Variants in ZZEF1 observed in about 807,000 individuals in gnomAD.
ZZEF1 encodes zinc finger ZZ-type and EF-hand domain containing 1, also known as zinc finger ZZ-type and EF-hand domain-containing protein 1.
In ZZEF1, 157 loss-of-function variants were observed where a neutral mutation model predicts 342.8. The observed-to-expected ratio is 0.46, with a 90% CI of 0.40 to 0.52. The LOEUF is 0.52. Among genes scored for constraint, ZZEF1 ranks in the 20% least tolerant of loss-of-function variants. The pLI is 0.00. For missense variants in ZZEF1, 3,480 were observed against 3,725.6 expected, an observed-to-expected ratio of 0.93 and a Z score of 1.72; for synonymous variants, 1,505 against 1,429.1, an observed-to-expected ratio of 1.05 and a Z score of -1.20.
At chr17:4,128,130 G>A (rs1161091614) in intron 1 of ZZEF1, among the ~76,000 whole-genome samples, 1 of 152,098 alleles carries the variant, frequency 6.6e-6, no homozygotes, top group African/African-American at 2.4e-5. Context: ...CAGATCACTT[G>A]AGGCCAGGAA....
chr17:4,082,030 C>T (rs2057733146), intron 17 of ZZEF1, among the ~76,000 whole-genome samples: 1 of 152,204 alleles, frequency 6.6e-6, no homozygotes, highest in Non-Finnish European at 1.5e-5. Flanking sequence ...TTTAGCTTCT[C>T]TGGTAGTTGA....
chr17:4,098,002 CT>C (rs1311087703), intron 9 of ZZEF1, among the ~76,000 whole-genome samples: 1 of 149,594 alleles, frequency 6.7e-6, no homozygotes, highest in Non-Finnish European at 1.5e-5. Context: ...CTTTGGGAGG[CT>C]GAGGCAGGCA....
In ZZEF1 at chr17:4,135,681, CCTT is replaced by C. The variant is rs1403822548; in HGVS notation, c.354+6858_354+6860del. 2.0e-5 allele frequency among the ~76,000 whole-genome samples: 3 copies of C among 152,168 alleles called. No homozygotes were observed. The East Asian group carries it at 5.8e-4, about 29-fold the overall frequency. Reference sequence around the variant, plus strand: ...TGGGGCCATTCAGAACACATCTACTCCTTCTGCCCAGAGACAACCTGCAGATCA... The same window carrying C: ...TGGGGCCATTCAGAACACATCTACTCCTGCCCAGAGACAACCTGCAGATCA... On this transcript the variant is annotated intron_variant, in intron 1 of 54. Transcript: ENST00000381638.
intron 39 of ZZEF1, among the ~76,000 whole-genome samples, chr17:4,034,790 A>C (rs2056624990): frequency 6.6e-6 from 1 of 152,214 alleles, no homozygotes; most frequent in Non-Finnish European, 1.5e-5. Flanking sequence ...CAAGCCCAGG[A>C]GTTCAAGACC....
At chr17:4,139,537 C>G (rs151295029) in intron 1 of ZZEF1, among the ~76,000 whole-genome samples, 20 of 152,298 alleles carry the variant, frequency 1.3e-4, no homozygotes, top group African/African-American at 4.8e-4. Context: ...ATTAACAACG[C>G]AGAATTAACT....
rs764613464 is a variant in ZZEF1, at chr17:4,072,618, T to A, written c.3824A>T (p.Asn1275Ile). ...CGGAAGAGTAAATACCTCCTTACTATTCCGGTGTGGGTGAGTGGGCCAGCT... is the reference window on the plus strand; with the variant it reads ...CGGAAGAGTAAATACCTCCTTACTAATCCGGTGTGGGTGAGTGGGCCAGCT... ...EASWPTHPHR[N>I]SKEVKNIPDD... The change falls in exon 25 of 55, where the codon AAT becomes ATT. Residue 1275 changes from asparagine to isoleucine, a missense_variant. Asn to Ile is a moderately radical substitution (Grantham distance 149). Transcript: ENST00000381638. The A allele has an allele frequency of 6.2e-7, 1 of 1,611,818 alleles. No individual in the cohort carries two copies. The highest frequency in any genetic ancestry group is 1.7e-5 in the Admixed American group (1 of 59,546).
At chr17:4,122,840 G>A (rs1390622408) in intron 2 of ZZEF1, among the ~76,000 whole-genome samples, 1 of 152,014 alleles carries the variant, frequency 6.6e-6, no homozygotes, top group East Asian at 1.9e-4. Flanking sequence ...AAAGAAAGAG[G>A]AGCCACATTC....
At chr17:4,136,400 C>A (rs963469630) in intron 1 of ZZEF1, among the ~76,000 whole-genome samples, 2 of 151,530 alleles carry the variant, frequency 1.3e-5, no homozygotes, top group Non-Finnish European at 2.9e-5. Context: ...GAACTACAAC[C>A]ATAGAAAACA....
intron 9 of ZZEF1, among the ~76,000 whole-genome samples, chr17:4,100,818 G>C (rs1204731807): frequency 6.6e-6 from 1 of 152,222 alleles, no homozygotes; most frequent in East Asian, 1.9e-4. Flanking sequence ...CTGGGCGATA[G>C]AGTGAGACTT....
chr17:4,135,654 C>A (rs1343277700), intron 1 of ZZEF1, among the ~76,000 whole-genome samples: 1 of 152,150 alleles, frequency 6.6e-6, no homozygotes, highest in Non-Finnish European at 1.5e-5. Context: ...AGTTACCATC[C>A]CTGGGGCCAT....
At chr17:4,137,262 A>G (rs1242201052) in intron 1 of ZZEF1, among the ~76,000 whole-genome samples, 2 of 152,060 alleles carry the variant, frequency 1.3e-5, no homozygotes, top group Admixed American at 1.3e-4. Flanking sequence ...CTCCAAAGAA[A>G]CCAATACCAT....
chr17:4,112,802 T>C lies in ZZEF1; in HGVS notation c.873A>G (p.Lys291=), dbSNP rs74887186. 0.03 allele frequency: 47,404 copies of C among 1,560,000 alleles called. 846 individuals are homozygous for C. Among genetic ancestry groups the C allele is most frequent in the Non-Finnish European group, 0.034 (39,690 of 1,152,196 alleles). Residue 291 remains lysine (K), a synonymous_variant, in exon 5 of 55, where the codon AAA becomes AAG. Coordinates refer to ENST00000381638, the MANE Select transcript of ZZEF1 (RefSeq NM_015113.4). ...GCCTAAGCACAACATCTGGCTTCAT[T>C]TTTAAACTGGAAAACACAAAAAGCA... ...GSACSHWIRL[K]MKPDVVLRHL...
chr17:4,102,952 T>A (rs1163973063), intron 8 of ZZEF1, among the ~76,000 whole-genome samples: 1 of 152,116 alleles, frequency 6.6e-6, no homozygotes, highest in Non-Finnish European at 1.5e-5. Flanking sequence ...GAAAATGTTT[T>A]CCTTTTGTTT....
intron 24 of ZZEF1, 112 bp downstream of exon 24, chr17:4,074,038 G>T: frequency 8.6e-7 from 1 of 1,160,796 alleles, no homozygotes; most frequent in Non-Finnish European, 1.2e-6. Flanking sequence ...AAACTGAAAA[G>T]GCGTATTATT....
chr17:4,091,295 C>A (rs915212327), intron 11 of ZZEF1, among the ~76,000 whole-genome samples: 4 of 152,120 alleles, frequency 2.6e-5, no homozygotes, highest in African/African-American at 9.7e-5. Flanking sequence ...GCTTTCAGAT[C>A]CTGGAGGTCC....
chr17:4,075,016 A>G, intron 23 of ZZEF1, 81 bp downstream of exon 23: 2 of 1,398,060 alleles, frequency 1.4e-6, no homozygotes, highest in Non-Finnish European at 2.0e-6. Context: ...CAAAGACCTT[A>G]CCTCTACTGC....
chr17:4,011,104 G>GA (rs1020716095), intron 52 of ZZEF1, among the ~76,000 whole-genome samples: 127 of 139,420 alleles, frequency 9.1e-4, no homozygotes, highest in African/African-American at 1.4e-3. Context: ...AAAAATTAAA[G>GA]AAAAAAAAAA....
chr17:4,064,857 A>G, intron 28 of ZZEF1, 28 bp from the exon 29 acceptor site: 1 of 1,497,044 alleles, frequency 6.7e-7, no homozygotes, highest in South Asian at 1.2e-5. Context: ...TCATAATTGA[A>G]AAAAAAAAAA....
intron 26 of ZZEF1, 87 bp from the exon 27 acceptor site, chr17:4,067,329 A>C: frequency 1.9e-6 from 2 of 1,058,616 alleles, no homozygotes; most frequent in Non-Finnish European, 2.7e-6. Flanking sequence ...AAATCTGCTG[A>C]AGTACAGGAA....
Sources: allele counts gnomAD v4.1 joint callset (sites outside exome capture counted in the v4.1 genomes callset), GRCh38; gene constraint gnomAD v4.1.1; transcripts MANE v1.5; gene names NCBI Gene and HGNC (gene_info 2026-07-23, HGNC 2026-07-21).